RBFOX1: variants seen among roughly 807,000 people sequenced by gnomAD.
The protein encoded by RBFOX1 is RNA binding fox-1 homolog 1.
Under a neutral mutation model 57.7 loss-of-function variants are expected in RBFOX1, and 8 were observed. The ratio of observed to expected loss-of-function variants is 0.14; its 90% CI spans 0.08 to 0.25. The LOEUF (loss-of-function observed/expected upper bound fraction) is 0.25. Ranked by LOEUF, RBFOX1 falls within the 10% of genes least tolerant of loss-of-function variation. The pLI is 1.00. For synonymous variants in RBFOX1, 326 were observed against 222.4 expected (o/e 1.47, Z -4.15); for missense variants, 611 against 548.5 (o/e 1.11, Z -1.14).
At chr16:5,723,966 G>A (rs1342566732) in intron 3 of RBFOX1, among the ~76,000 whole-genome samples, 3 of 152,248 alleles carry the variant, frequency 2.0e-5, no homozygotes, top group African/African-American at 7.2e-5. Flanking sequence ...TTTGAAAAAT[G>A]TTTTGGAGTG....
At chr16:6,741,666 C>T (rs113802292) in intron 3 of RBFOX1, among the ~76,000 whole-genome samples, 2 of 141,648 alleles carry the variant, frequency 1.4e-5, no homozygotes, top group South Asian at 2.2e-4. Context: ...CAGACTCAGT[C>T]TCAAAAAAAA....
At chr16:6,164,258 A>G (rs548576881) in intron 1 of RBFOX1, among the ~76,000 whole-genome samples, 1 of 152,198 alleles carries the variant, frequency 6.6e-6, no homozygotes, top group Non-Finnish European at 1.5e-5. Flanking sequence ...AATTATATGT[A>G]ATGTCAATTG....
intron 5 of RBFOX1, among the ~76,000 whole-genome samples, chr16:7,536,538 G>T (rs1244623699): frequency 1.3e-5 from 2 of 152,336 alleles, no homozygotes; most frequent in South Asian, 2.1e-4. Context: ...AGGTTGCAGT[G>T]AGCCAAGATG....
intron 3 of RBFOX1, among the ~76,000 whole-genome samples, chr16:5,669,096 A>G (rs2049938334): frequency 6.6e-6 from 1 of 152,194 alleles, no homozygotes; most frequent in Admixed American, 6.5e-5. Flanking sequence ...AATTCAAACC[A>G]AGTTGAATAG....
intron 2 of RBFOX1, among the ~76,000 whole-genome samples, chr16:6,340,924 TG>T (rs962471831): frequency 1.4e-4 from 22 of 152,042 alleles, no homozygotes; most frequent in African/African-American, 5.3e-4. Flanking sequence ...TCTGGGGACC[TG>T]GGGGATCACA....
At chr16:7,688,471 GC>G (rs1568467584) in intron 14 of RBFOX1, among the ~76,000 whole-genome samples, 1 of 151,932 alleles carries the variant, frequency 6.6e-6, no homozygotes, top group African/African-American at 2.4e-5. Flanking sequence ...CCACCTGCCC[GC>G]ACCAAAAGTT....
At chr16:6,788,613 C>CT (rs1326059074) in intron 3 of RBFOX1, among the ~76,000 whole-genome samples, 1 of 151,914 alleles carries the variant, frequency 6.6e-6, no homozygotes, top group Non-Finnish European at 1.5e-5. Context: ...GTAGCTGGAA[C>CT]TACAGGTGCC....
intron 3 of RBFOX1, among the ~76,000 whole-genome samples, chr16:5,648,383 C>T (rs373859243): frequency 3.9e-5 from 6 of 152,254 alleles, no homozygotes; most frequent in Non-Finnish European, 7.4e-5. Context: ...TGAAGGACTG[C>T]GCAGGTGTGG....
At chr16:6,574,335 C>T (rs866436071) in intron 2 of RBFOX1, among the ~76,000 whole-genome samples, 1 of 151,734 alleles carries the variant, frequency 6.6e-6, no homozygotes, top group East Asian at 2.0e-4. Flanking sequence ...TAGGAGTTCT[C>T]TGCCTGTGCG....
intron 4 of RBFOX1, among the ~76,000 whole-genome samples, chr16:7,304,690 C>A (rs1274686499): frequency 2.0e-5 from 3 of 152,168 alleles, no homozygotes; most frequent in Non-Finnish European, 2.9e-5. Context: ...TGTCCGAATA[C>A]TTTAAAACCG....
intron 4 of RBFOX1, among the ~76,000 whole-genome samples, chr16:5,926,950 T>A (rs2058951672): frequency 6.6e-6 from 1 of 152,172 alleles, no homozygotes; most frequent in Admixed American, 6.5e-5. Flanking sequence ...GGGATGTGAA[T>A]GCGTGCATTC....
intron 2 of RBFOX1, among the ~76,000 whole-genome samples, chr16:6,434,307 G>A (rs983097744): frequency 3.3e-5 from 5 of 152,068 alleles, no homozygotes; most frequent in Admixed American, 3.3e-4. Context: ...ACGTCTTTGA[G>A]AAAGGCCTTA....
intron 1 of RBFOX1, among the ~76,000 whole-genome samples, chr16:5,251,161 C>T (rs533303836): frequency 6.6e-6 from 1 of 152,360 alleles, no homozygotes; most frequent in East Asian, 1.9e-4. Context: ...ACTCTGGCTT[C>T]CGAGCTCTGG....
intron 3 of RBFOX1, among the ~76,000 whole-genome samples, chr16:5,664,948 C>CTTTT (rs35998497): frequency 1.4e-5 from 2 of 146,862 alleles, no homozygotes; most frequent in Non-Finnish European, 3.0e-5. Flanking sequence ...TATCTCTGCT[C>CTTTT]TTTTTTTTTT....
chr16:7,465,317 C>T (rs1162639963), intron 4 of RBFOX1, among the ~76,000 whole-genome samples: 13 of 152,210 alleles, frequency 8.5e-5, no homozygotes, highest in Non-Finnish European at 1.8e-4. Flanking sequence ...CCTGCCTTCT[C>T]GTGTTGGGTG....
At chr16:6,869,527 T>C (rs1351906995) in intron 3 of RBFOX1, among the ~76,000 whole-genome samples, 1 of 152,078 alleles carries the variant, frequency 6.6e-6, no homozygotes, top group Non-Finnish European at 1.5e-5. Flanking sequence ...AAAAGGGTTT[T>C]ATGAATCCTT....
At chr16:7,076,142 A>T (rs1050827202) in intron 4 of RBFOX1, among the ~76,000 whole-genome samples, 5 of 151,380 alleles carry the variant, frequency 3.3e-5, no homozygotes, top group Admixed American at 2.6e-4. Context: ...CCCGGGTTCA[A>T]GTGATTCCCC....
At chr16:6,917,967 G>A (rs1407068957) in intron 3 of RBFOX1, among the ~76,000 whole-genome samples, 1 of 152,100 alleles carries the variant, frequency 6.6e-6, no homozygotes, top group Admixed American at 6.6e-5. Context: ...TAGCCTACAG[G>A]AGAGCCACTT....
chr16:5,717,369 C>T (rs926249301), intron 3 of RBFOX1, among the ~76,000 whole-genome samples: 1 of 151,846 alleles, frequency 6.6e-6, no homozygotes. Flanking sequence ...TGTTTACTTT[C>T]AATAGTTTTG....
Sources: allele counts gnomAD v4.1 joint callset (sites outside exome capture counted in the v4.1 genomes callset), GRCh38; gene constraint gnomAD v4.1.1; transcripts MANE v1.5; gene names NCBI Gene and HGNC (gene_info 2026-07-23, HGNC 2026-07-21).